Variants in CNOT2 observed in about 807,000 individuals in gnomAD.
CNOT2 encodes the protein CCR4-NOT transcription complex subunit 2, also known as CC chemokine receptor 4-negative regulator of transcription 2.
Under a neutral mutation model 72.1 loss-of-function variants are expected in CNOT2, and 7 were observed. The observed-to-expected ratio is 0.10, with a 90% CI of 0.06 to 0.18. The LOEUF (loss-of-function observed/expected upper bound fraction) is 0.18, where lower values mean the gene tolerates loss of function less well. CNOT2 is among the 10% of genes least tolerant of loss of function. The pLI is 1.00. For synonymous variants in CNOT2, 196 were observed against 225.6 expected (o/e 0.87, Z 1.17); for missense variants, 345 against 660.3 (o/e 0.52, Z 5.23).
chr12:70,293,086 T>A (rs1207738255), intron 2 of CNOT2, among the ~76,000 whole-genome samples: 1 of 152,164 alleles, frequency 6.6e-6, no homozygotes, highest in Admixed American at 6.5e-5. Flanking sequence ...ATAGAGTTTA[T>A]TTTTCTTTGA....
intron 2 of CNOT2, among the ~76,000 whole-genome samples, chr12:70,285,949 C>T (rs896929116): frequency 1.3e-5 from 2 of 151,836 alleles, no homozygotes; most frequent in African/African-American, 4.8e-5. Flanking sequence ...AGCTCTCTGA[C>T]CTCTTGAGAG....
At chr12:70,327,746 A>G (rs1390131416) in intron 4 of CNOT2, 1 of 151,838 alleles carries the variant, frequency 6.6e-6, no homozygotes, top group Non-Finnish European at 1.5e-5. Flanking sequence ...GTTCACTGCC[A>G]TATCCCCAGC....
At chr12:70,253,065 G>A (rs535603633) in intron 1 of CNOT2, among the ~76,000 whole-genome samples, 1 of 152,332 alleles carries the variant, frequency 6.6e-6, no homozygotes, top group East Asian at 1.9e-4. Context: ...CTTCTGTGAA[G>A]TAAGATGTGT....
chr12:70,295,409 C>T (rs561208349), intron 2 of CNOT2, among the ~76,000 whole-genome samples: 6 of 152,258 alleles, frequency 3.9e-5, no homozygotes, highest in African/African-American at 1.2e-4. Context: ...ACACATCTCC[C>T]TCAGCAAAGT....
chr12:70,271,634 A>G (rs1007570007), intron 1 of CNOT2, among the ~76,000 whole-genome samples: 7 of 151,908 alleles, frequency 4.6e-5, no homozygotes, highest in African/African-American at 1.5e-4. Context: ...CAGCCTCCCA[A>G]ACTGCTAGGA....
At chr12:70,288,026 T>G (rs1169512543) in intron 2 of CNOT2, among the ~76,000 whole-genome samples, 2 of 149,662 alleles carry the variant, frequency 1.3e-5, no homozygotes, top group Admixed American at 1.4e-4. Flanking sequence ...TTTGTGGCTA[T>G]AAATTTTCAG....
chr12:70,265,056 T>C (rs1247059409), intron 1 of CNOT2, among the ~76,000 whole-genome samples: 1 of 152,148 alleles, frequency 6.6e-6, no homozygotes, highest in East Asian at 1.9e-4. Flanking sequence ...TTGTTGAGAA[T>C]TTTTGCCTTT....
chr12:70,310,825 A>G (rs1876322285), intron 2 of CNOT2, 70 bp from the exon 3 acceptor site: 21 of 1,357,982 alleles, frequency 1.5e-5, no homozygotes, highest in Middle Eastern at 2.3e-4. Flanking sequence ...TCTGTTTTCC[A>G]CATAGGAGTA....
chr12:70,330,718 C>T, intron 6 of CNOT2: 1 of 371,272 alleles, frequency 2.7e-6, no homozygotes, highest in Non-Finnish European at 4.8e-6. Flanking sequence ...CTTGGATTCG[C>T]CACCAGGCAA....
chr12:70,304,829 G>A (rs7974838), intron 2 of CNOT2, among the ~76,000 whole-genome samples: 4,488 of 152,296 alleles, frequency 0.029, 123 homozygotes, highest in African/African-American at 0.061. Context: ...CACCCAGTTC[G>A]AGCTTCCTGG....
rs1881016770 is a variant in CNOT2, at chr12:70,338,578, A to G, written c.1021+15A>G. 6.2e-7 allele frequency: 1 copy of G among 1,603,590 alleles called. No homozygotes were observed. ...GTTACCTGATGGTGGGACTCTAGAA[A>G]TCTATGTCAAAGATATTATAGAATG... On this transcript the variant is annotated intron_variant, in intron 10 of 15. Transcript: ENST00000229195.
In CNOT2 at chr12:70,274,054, C is replaced by A. The variant is rs1425862011; in HGVS notation, c.-95-4078C>A. ...GTGAAACCCATATTACTAAAATACT[C>A]AGAGAAACTGTTCTTAGTTAATATG... On this transcript the variant is annotated intron_variant, in intron 1 of 15. Coordinates refer to ENST00000229195, the MANE Select transcript of CNOT2 (RefSeq NM_014515.7). Among the ~76,000 whole-genome samples the A allele has an allele frequency of 7.2e-5, 11 of 152,190 alleles. No homozygotes were observed. The East Asian group carries it at 1.7e-3, about 24-fold the overall frequency.
intron 2 of CNOT2, among the ~76,000 whole-genome samples, chr12:70,292,557 G>C (rs147152516): frequency 6.6e-6 from 1 of 152,146 alleles, no homozygotes; most frequent in Admixed American, 6.5e-5. Context: ...GAGTATGTCC[G>C]ATGTGTTTGA....
At chr12:70,310,771 A>G in intron 2 of CNOT2, 124 bp from the exon 3 acceptor site, 1 of 687,090 alleles carries the variant, frequency 1.5e-6, no homozygotes, top group South Asian at 2.0e-5. Context: ...GCCACTAGCC[A>G]TTAGTTGATC....
chr12:70,335,040 A>G (rs3817486), intron 7 of CNOT2: 12,350 of 157,468 alleles, frequency 0.078, 610 homozygotes, highest in Admixed American at 0.15. Flanking sequence ...ATTTGTGTGT[A>G]ACCGAAGCTT....
chr12:70,338,963 G>A, intron 11 of CNOT2, 141 bp downstream of exon 11: 1 of 702,006 alleles, frequency 1.4e-6, no homozygotes, highest in Non-Finnish European at 2.3e-6. Context: ...ATTCATGTTA[G>A]CTCTTAGATC....
intron 2 of CNOT2, among the ~76,000 whole-genome samples, chr12:70,300,665 C>T (rs1873767206): frequency 6.6e-6 from 1 of 152,266 alleles, no homozygotes; most frequent in East Asian, 1.9e-4. Context: ...ATGCCTCCAG[C>T]TTTGTTCTTT....
chr12:70,296,452 C>T (rs544546880), intron 2 of CNOT2, among the ~76,000 whole-genome samples: 1 of 152,086 alleles, frequency 6.6e-6, no homozygotes, highest in African/African-American at 2.4e-5. Context: ...TTGGCTAAAA[C>T]AATGAGTTGC....
intron 2 of CNOT2, chr12:70,278,561 T>TGG (rs1337372041): frequency 3.1e-6 from 1 of 320,106 alleles, no homozygotes; most frequent in Non-Finnish European, 5.7e-6. Context: ...CATGACTGAA[T>TGG]TCAAAATGGT....
Sources: allele counts gnomAD v4.1 joint callset (sites outside exome capture counted in the v4.1 genomes callset), GRCh38; gene constraint gnomAD v4.1.1; transcripts MANE v1.5; gene names NCBI Gene and HGNC (gene_info 2026-07-23, HGNC 2026-07-21).